The following CRK variants were observed in gnomAD, a reference collection of about 807,000 sequenced individuals.
CRK encodes CRK proto-oncogene, adaptor protein.
Under a neutral mutation model 29.8 loss-of-function variants are expected in CRK, and 4 were observed. The ratio of observed to expected loss-of-function variants is 0.13; its 90% confidence interval spans 0.07 to 0.31. The LOEUF (loss-of-function observed/expected upper bound fraction) is 0.31, where lower values mean the gene tolerates loss of function less well. Ranked by LOEUF, CRK falls within the 10% of genes least tolerant of loss-of-function variation. The pLI, the probability that CRK is intolerant of heterozygous loss-of-function variation, is 1.00. For missense variants in CRK, 274 were observed against 396.5 expected (o/e 0.69, Z 2.62); for synonymous variants, 153 against 164.9 (o/e 0.93, Z 0.55).
At chr17:1,454,377 C>T (rs376934323) in intron 1 of CRK, among the ~76,000 whole-genome samples, 2 of 152,024 alleles carry the variant, frequency 1.3e-5, no homozygotes, top group South Asian at 2.1e-4. Flanking sequence ...TTCGTCTCTA[C>T]GAAAAATACA....
intron 2 of CRK, among the ~76,000 whole-genome samples, chr17:1,433,099 A>G (rs900607474): frequency 6.6e-6 from 1 of 152,206 alleles, no homozygotes; most frequent in Non-Finnish European, 1.5e-5. Context: ...ATCCTGGTGC[A>G]ATCAGATCTA....
At chr17:1,433,508 GCTTTTTT>G (rs1396992310) in intron 2 of CRK, among the ~76,000 whole-genome samples, 9,966 of 114,292 alleles carry the variant, frequency 0.087, 511 homozygotes, top group Admixed American at 0.18. Flanking sequence ...ACCACGCCTG[GCTTTTTT>G]TTTTTTTTTT....
At chr17:1,445,527 T>C (rs978781341) in intron 1 of CRK, among the ~76,000 whole-genome samples, 1 of 152,214 alleles carries the variant, frequency 6.6e-6, no homozygotes, top group East Asian at 1.9e-4. Flanking sequence ...GTTATGACTG[T>C]AGCAGAGCAC....
intron 2 of CRK, among the ~76,000 whole-genome samples, chr17:1,426,775 C>T (rs1343458313): frequency 6.6e-6 from 1 of 151,972 alleles, no homozygotes; most frequent in Admixed American, 6.6e-5. Flanking sequence ...AGGCAGTGAA[C>T]TGCTTGAACC....
intron 2 of CRK, among the ~76,000 whole-genome samples, chr17:1,428,062 T>A (rs1274910751): frequency 6.6e-6 from 1 of 151,532 alleles, no homozygotes; most frequent in African/African-American, 2.4e-5. Context: ...ACCATACCAA[T>A]TTCTCAAAAT....
At chr17:1,440,256 G>A (rs1195306194) in intron 1 of CRK, among the ~76,000 whole-genome samples, 9 of 151,040 alleles carry the variant, frequency 6.0e-5, no homozygotes, top group East Asian at 2.0e-4. Context: ...CCGAGATCGC[G>A]CCACTGCACT....
At chr17:1,455,790 G>C in intron 1 of CRK, 87 bp downstream of exon 1, 2 of 1,387,442 alleles carry the variant, frequency 1.4e-6, no homozygotes, top group Non-Finnish European at 1.9e-6. Flanking sequence ...CGACCCCCGA[G>C]GGTCCGCTCT....
chr17:1,436,656 G>A lies in CRK; in HGVS notation c.741C>T (p.Val247=). 1 of 1,611,456 alleles carries A rather than the reference G, an allele frequency of 6.2e-7. No individual in the cohort carries two copies. Among genetic ancestry groups the A allele is most frequent in the Non-Finnish European group, 8.5e-7 (1 of 1,179,098 alleles). ...PIYARVIQKR[V]PNAYDKTALA... ...AGGCTGTCTTGTCGTAGGCATTGGG[G>A]ACTCGCTTCTGGATAACCCTGGCAT... Residue 247 remains valine (V), a synonymous_variant, in exon 2 of 3, where the codon GTC becomes GTT. Coordinates refer to ENST00000300574, the MANE Select transcript of CRK (RefSeq NM_016823.4).
chr17:1,426,692 C>T (rs185453885), intron 2 of CRK, among the ~76,000 whole-genome samples: 2 of 152,012 alleles, frequency 1.3e-5, no homozygotes, highest in Admixed American at 6.6e-5. Flanking sequence ...GGTGAAACCC[C>T]GTCTCTACTA....
chr17:1,442,359 C>G (rs1219343237), intron 1 of CRK, among the ~76,000 whole-genome samples: 1 of 151,654 alleles, frequency 6.6e-6, no homozygotes, highest in South Asian at 2.1e-4. Context: ...GCTATGTTGC[C>G]CACGCTGGTC....
chr17:1,433,021 C>G (rs2073858536), intron 2 of CRK, among the ~76,000 whole-genome samples: 1 of 152,140 alleles, frequency 6.6e-6, no homozygotes, highest in African/African-American at 2.4e-5. Context: ...ACTACAGTTT[C>G]TTTGCTCCCA....
At chr17:1,434,201 T>A (rs1288342145) in intron 2 of CRK, among the ~76,000 whole-genome samples, 1 of 152,090 alleles carries the variant, frequency 6.6e-6, no homozygotes, top group Non-Finnish European at 1.5e-5. Context: ...TCTTTCAAAT[T>A]GATGGAAACA....
Position 1,423,401 on chromosome 17 carries a change from T to C in CRK, c.*112A>G. On this transcript the variant is annotated 3_prime_UTR_variant, in exon 3 of 3. Coordinates refer to ENST00000300574, the MANE Select transcript of CRK (RefSeq NM_016823.4). ...CTAAAAAATATCACAGGTAACAGAA[T>C]GCTTATATAAACTAGACTGCTTTTG... The C allele has an allele frequency of 4.6e-6, 6 of 1,303,004 alleles. No individual in the cohort carries two copies. Among genetic ancestry groups the C allele is most frequent in the Non-Finnish European group, 5.3e-6 (5 of 949,190 alleles). The allele number at this position is 1,303,004 out of a possible 1,614,324, so 80.7% of individuals were successfully genotyped here.
chr17:1,432,340 T>C (rs1327331380), intron 2 of CRK, among the ~76,000 whole-genome samples: 1 of 150,924 alleles, frequency 6.6e-6, no homozygotes, highest in Non-Finnish European at 1.5e-5. Flanking sequence ...AATAAAAAAA[T>C]TAGCCAGGCG....
intron 2 of CRK, among the ~76,000 whole-genome samples, chr17:1,428,762 T>C (rs1328962688): frequency 6.6e-6 from 1 of 151,032 alleles, no homozygotes; most frequent in Admixed American, 6.6e-5. Flanking sequence ...GACCTCGTGA[T>C]CTGCTCACCT....
intron 1 of CRK, among the ~76,000 whole-genome samples, chr17:1,452,850 G>C (rs1273276082): frequency 6.6e-6 from 1 of 151,564 alleles, no homozygotes; most frequent in Non-Finnish European, 1.5e-5. Flanking sequence ...CACACCTGCA[G>C]TTCCAAAACT....
chr17:1,429,350 T>C (rs368038848), intron 2 of CRK, among the ~76,000 whole-genome samples: 2 of 152,012 alleles, frequency 1.3e-5, no homozygotes, highest in Non-Finnish European at 2.9e-5. Context: ...TGGCACAATC[T>C]TGTCTCATTG....
chr17:1,456,090 G>A lies in CRK; in HGVS notation c.28C>T (p.Arg10Trp), dbSNP rs1281300310. The A allele has an allele frequency of 6.4e-7, 1 of 1,560,450 alleles. No individual in the cohort carries two copies. Among genetic ancestry groups the A allele is most frequent in the Non-Finnish European group, 8.6e-7 (1 of 1,156,792 alleles). MAGNFDSEE[R>W]SSWYWGRLSR... ...AACCTCCCCCAGTACCAGCTACTCC[G>A]CTCCTCCGAGTCGAAGTTGCCCGCC... The change falls in exon 1 of 3, where the codon CGG (arginine) becomes TGG (tryptophan). Residue 10 changes from arginine to tryptophan, a missense_variant. This residue lies in a region of CRK where 135 missense variants were observed against 180.9 expected (regional missense o/e 0.75). Coordinates refer to ENST00000300574, the MANE Select transcript of CRK (RefSeq NM_016823.4).
chr17:1,437,733 A>G (rs2150906393), intron 1 of CRK, among the ~76,000 whole-genome samples: 1 of 151,190 alleles, frequency 6.6e-6, no homozygotes, highest in East Asian at 1.9e-4. Flanking sequence ...TGCTCACTGC[A>G]ACCTCTGCCT....
Sources: allele counts gnomAD v4.1 joint callset (sites outside exome capture counted in the v4.1 genomes callset), GRCh38; gene constraint gnomAD v4.1.1; regional missense constraint gnomAD v4.1.1; transcripts MANE v1.5; gene names NCBI Gene and HGNC (gene_info 2026-07-23, HGNC 2026-07-21).